The following GRIP1 variants were observed in gnomAD, a reference collection of about 807,000 sequenced individuals.
The protein encoded by GRIP1 is glutamate receptor interacting protein 1.
In GRIP1, 45 loss-of-function variants were observed where a neutral mutation model predicts 129.9. The ratio of observed to expected loss-of-function variants is 0.35; its 90% CI spans 0.27 to 0.44. The LOEUF (loss-of-function observed/expected upper bound fraction) is 0.44. Ranked by LOEUF, GRIP1 falls within the 20% of genes least tolerant of loss-of-function variation. The pLI, the probability that GRIP1 is intolerant of heterozygous loss-of-function variation, is 1.00. For missense variants in GRIP1, 1,196 were observed against 1,396.8 expected, an observed-to-expected ratio of 0.86 and a Z score of 2.29; for synonymous variants, 530 against 520.8, an observed-to-expected ratio of 1.02 and a Z score of -0.24.
intron 7 of GRIP1, among the ~76,000 whole-genome samples, chr12:66,485,603 T>C (rs1263197497): frequency 1.1e-4 from 16 of 152,024 alleles, no homozygotes; most frequent in Admixed American, 1.0e-3. Flanking sequence ...ATGGTTATAC[T>C]TTATATGTTA....
chr12:66,468,974 T>A (rs184513794), intron 7 of GRIP1, among the ~76,000 whole-genome samples: 3 of 152,296 alleles, frequency 2.0e-5, no homozygotes, highest in Non-Finnish European at 4.4e-5. Context: ...AAACAACAGG[T>A]GTAATATTTC....
chr12:66,596,478 G>A (rs369101562), intron 2 of GRIP1, among the ~76,000 whole-genome samples: 15 of 152,242 alleles, frequency 9.9e-5, no homozygotes, highest in Admixed American at 5.9e-4. Flanking sequence ...GATCTGTTGC[G>A]GCAATTGTGA....
At chr12:66,707,008 A>C (rs992088349) in intron 1 of GRIP1, among the ~76,000 whole-genome samples, 16 of 152,012 alleles carry the variant, frequency 1.1e-4, no homozygotes, top group Non-Finnish European at 1.6e-4. Context: ...TAAAGGAATA[A>C]AAAGAAAATA....
At chr12:66,386,158 T>C (rs1338027550) in intron 19 of GRIP1, among the ~76,000 whole-genome samples, 1 of 152,194 alleles carries the variant, frequency 6.6e-6, no homozygotes, top group Non-Finnish European at 1.5e-5. Flanking sequence ...GGAATCTTGA[T>C]AGGATGATTT....
intron 1 of GRIP1, among the ~76,000 whole-genome samples, chr12:67,023,460 G>C (rs1310436198): frequency 6.6e-6 from 1 of 152,036 alleles, no homozygotes; most frequent in Non-Finnish European, 1.5e-5. Context: ...TTTATTTCTG[G>C]ATTCTCCATT....
intron 1 of GRIP1, among the ~76,000 whole-genome samples, chr12:66,924,918 C>T (rs1223532775): frequency 6.6e-6 from 1 of 152,044 alleles, no homozygotes; most frequent in Non-Finnish European, 1.5e-5. Flanking sequence ...TGCAGTGAGC[C>T]GAGATCGTGC....
At position 66,600,953 on chromosome 12, in the gene GRIP1, C is replaced by T. The variant is rs535457523; in HGVS notation, c.56-4026G>A. 8.5e-5 allele frequency among the ~76,000 whole-genome samples: 13 copies of T among 152,298 alleles called. No homozygotes were observed. In the East Asian group the frequency reaches 9.6e-4, roughly 11 times the overall value. Reference sequence around the variant, plus strand: ...GACATCTTAGCAGCTAGGTAATCACCGTCACACATGATGGCCCTCCACAGG... The same window carrying T: ...GACATCTTAGCAGCTAGGTAATCACTGTCACACATGATGGCCCTCCACAGG... On this transcript the variant is annotated intron_variant, in intron 1 of 24. Coordinates refer to ENST00000359742, the MANE Select transcript of GRIP1 (RefSeq NM_001366722.1).
intron 1 of GRIP1, among the ~76,000 whole-genome samples, chr12:67,012,677 C>G (rs972653054): frequency 6.6e-6 from 1 of 152,128 alleles, no homozygotes; most frequent in South Asian, 2.1e-4. Flanking sequence ...GGTAAAGAGA[C>G]AGAACCAGAA....
Position 66,955,686 on chromosome 12 carries a change from T to C in GRIP1, c.58+113364A>G, listed in dbSNP as rs1032515898. Among the ~76,000 whole-genome samples, 14 of 152,078 alleles carry C rather than the reference T, an allele frequency of 9.2e-5. No homozygotes were observed. The East Asian group carries it at 1.7e-3, about 19-fold the overall frequency. ...CCATGCCCGGATAAATTTGTATTTT[T>C]AGTAGAGACAGGGTTCCTCCATGTT... is the stretch of plus-strand genomic sequence containing the variant. On this transcript the variant is annotated intron_variant, in intron 1 of 1. Coordinates refer to the GRIP1 transcript ENST00000643019.
At chr12:66,628,601 C>T (rs181018905) in intron 1 of GRIP1, among the ~76,000 whole-genome samples, 23 of 152,286 alleles carry the variant, frequency 1.5e-4, no homozygotes, top group Admixed American at 9.2e-4. Context: ...GTTGTGTATT[C>T]GCAAAATTTC....
intron 2 of GRIP1, among the ~76,000 whole-genome samples, chr12:66,579,758 GA>G (rs532794445): frequency 1.3e-5 from 2 of 151,896 alleles, no homozygotes; most frequent in African/African-American, 4.8e-5. Context: ...GGGACTATGT[GA>G]AAAGACCAAA....
rs1468776161 is a variant in GRIP1, at chr12:66,353,569, G to C, written c.3013-6C>G. The C allele has an allele frequency of 6.2e-7, 1 of 1,613,554 alleles. No homozygotes were observed. The highest frequency in any genetic ancestry group is 8.5e-7 in the Non-Finnish European group (1 of 1,179,444). On this transcript the variant is annotated splice_region_variant and splice_polypyrimidine_tract_variant and intron_variant, in intron 23 of 24. Coordinates refer to ENST00000359742, the MANE Select transcript of GRIP1 (RefSeq NM_001366722.1). The stretch of plus-strand genomic sequence containing the variant: ...GAGTCCTTGTACAAGGTCACCTGAA[G>C]AGAGAAAATGGGATGTGAATATTTA...
rs191529344 is a variant in GRIP1 at position 66,515,855 on chromosome 12, C to T, written c.579-91G>A. On this transcript the variant is annotated intron_variant, in intron 6 of 24. Transcript: ENST00000359742. ...CTTTAGCCAAATTCGTTTTGTCACA[C>T]ATATTCTGCCATCCATCTCATTTGC... 5.6e-4 allele frequency: 534 copies of T among 959,942 alleles called. 3 individuals carry two copies. Among genetic ancestry groups the T allele is most frequent in the South Asian group, 4.6e-3 (357 of 76,982 alleles). 59.5% of individuals were successfully genotyped at this position (959,942 alleles called of 1,614,324 possible). A position where few individuals can be genotyped will look rare whatever the true frequency, so the allele number is the denominator to read the frequency against.
intron 1 of GRIP1, among the ~76,000 whole-genome samples, chr12:66,932,597 AT>A (rs767160924): frequency 2.6e-5 from 4 of 150,970 alleles, no homozygotes; most frequent in Non-Finnish European, 4.4e-5. Context: ...GGATAGGATT[AT>A]TTAAAAAAAA....
At chr12:66,759,831 G>A (rs2037414041) in intron 1 of GRIP1, among the ~76,000 whole-genome samples, 2 of 151,236 alleles carry the variant, frequency 1.3e-5, no homozygotes, top group South Asian at 4.2e-4. Flanking sequence ...CCTCAGCTTG[G>A]ACCTTATTGT....
At chr12:66,747,666 C>G (rs1341164997) in intron 1 of GRIP1, among the ~76,000 whole-genome samples, 1 of 152,122 alleles carries the variant, frequency 6.6e-6, no homozygotes. Context: ...AAGGCATATA[C>G]CCAGCAAGAG....
chr12:66,541,983 T>A, intron 2 of GRIP1, 33 bp from the exon 3 acceptor site: 1 of 1,605,408 alleles, frequency 6.2e-7, no homozygotes, highest in Non-Finnish European at 8.5e-7. Flanking sequence ...CTTATTAAAA[T>A]GAGAGTAGAA....
chr12:66,766,462 C>T (rs1592823927), intron 1 of GRIP1, among the ~76,000 whole-genome samples: 1 of 152,194 alleles, frequency 6.6e-6, no homozygotes, highest in African/African-American at 2.4e-5. Context: ...ATTTGTCACA[C>T]TGTACTTTGA....
chr12:66,581,477 GA>G (rs2063376542), intron 2 of GRIP1, among the ~76,000 whole-genome samples: 1 of 146,618 alleles, frequency 6.8e-6, no homozygotes, highest in Non-Finnish European at 1.5e-5. Flanking sequence ...CTGGTTTTTT[GA>G]AAGGATCAAC....
Sources: gnomAD v4.1 joint callset for allele counts (sites outside exome capture counted in the v4.1 genomes callset) on GRCh38, gnomAD v4.1.1 for gene constraint, MANE v1.5 for transcripts, NCBI Gene and HGNC (gene_info 2026-07-23, HGNC 2026-07-21) for gene names.